The following FAM193A variants were observed in gnomAD, a reference collection of about 807,000 sequenced individuals.
FAM193A encodes protein FAM193A.
In FAM193A, 22 loss-of-function variants were observed where a neutral mutation model predicts 126.5. The ratio of observed to expected loss-of-function variants is 0.17; its 90% CI spans 0.12 to 0.25. The LOEUF (loss-of-function observed/expected upper bound fraction) is 0.25. FAM193A is among the 10% of genes least tolerant of loss of function. The pLI, the probability that FAM193A is intolerant of heterozygous loss-of-function variation, is 1.00. For missense variants in FAM193A, 1,675 were observed against 1,672.8 expected (o/e 1.00, Z -0.02); for synonymous variants, 761 against 646.8 (o/e 1.18, Z -2.68).
chr4:2,699,566 T>C, intron 18 of FAM193A, 114 bp from the exon 19 acceptor site: 1 of 1,018,354 alleles, frequency 9.8e-7, no homozygotes, highest in East Asian at 2.5e-5. Context: ...TTACAGCCTC[T>C]TCAGAGTTTA....
At chr4:2,537,793 C>T (rs1192650109) in intron 1 of FAM193A, among the ~76,000 whole-genome samples, 2 of 152,164 alleles carry the variant, frequency 1.3e-5, no homozygotes, top group African/African-American at 2.4e-5. Flanking sequence ...AGCCCTGGCC[C>T]CTCCTCCCCC....
intron 2 of FAM193A, among the ~76,000 whole-genome samples, 171 bp downstream of exon 2, chr4:2,596,500 A>C (rs955224221): frequency 6.6e-6 from 1 of 152,198 alleles, no homozygotes; most frequent in Non-Finnish European, 1.5e-5. Flanking sequence ...CCCTGGCCAC[A>C]CTGCAGTAGG....
Position 2,672,233 on chromosome 4 carries a change from G to C in FAM193A, c.2192G>C (p.Ser731Thr), listed in dbSNP as rs1713890196. The C allele has an allele frequency of 6.2e-7, 1 of 1,614,050 alleles. No individual in the cohort carries two copies. The highest frequency in any genetic ancestry group is 1.3e-5 in the African/African-American group (1 of 74,912). The change falls in exon 13 of 21, where the codon AGC (serine) becomes ACC (threonine). Residue 731 changes from serine (S) to threonine (T), a missense_variant. Physicochemically the swap from Ser to Thr is moderately conservative, Grantham distance 58 (BLOSUM62 1). Transcript: ENST00000637812. ...CTTCCTCCTGGCCATCAGTTCTTGA[G>C]CCCAGAGAAGCCCACACACCCTGCA... is the stretch of plus-strand genomic sequence containing the variant. ...GALPPGHQFLSPEKPTHPALH... is the reference protein window; with the variant it reads ...GALPPGHQFLTPEKPTHPALH...
intron 7 of FAM193A, among the ~76,000 whole-genome samples, chr4:2,655,671 C>T (rs1016933445): frequency 3.9e-5 from 6 of 152,016 alleles, no homozygotes; most frequent in Non-Finnish European, 8.8e-5. Flanking sequence ...TGGCTCACAG[C>T]TGTAATCCCA....
At chr4:2,679,161 G>T (rs769353717) in intron 13 of FAM193A, among the ~76,000 whole-genome samples, 1 of 152,088 alleles carries the variant, frequency 6.6e-6, no homozygotes, top group Non-Finnish European at 1.5e-5. Context: ...TTCTGCACCA[G>T]TTGTGATGAT....
intron 18 of FAM193A, 150 bp downstream of exon 18, chr4:2,696,743 C>G (rs1045381701): frequency 1.6e-6 from 1 of 623,288 alleles, no homozygotes; most frequent in African/African-American, 1.8e-5. Flanking sequence ...GAGAGCCAGC[C>G]TGTCTCTGGT....
chr4:2,554,891 C>T (rs1279447448), intron 1 of FAM193A, among the ~76,000 whole-genome samples: 1 of 152,116 alleles, frequency 6.6e-6, no homozygotes, highest in Non-Finnish European at 1.5e-5. Flanking sequence ...ATAGCCTCTC[C>T]AGCTTTCTGC....
At chr4:2,574,933 G>T (rs557817932) in intron 1 of FAM193A, among the ~76,000 whole-genome samples, 231 of 152,206 alleles carry the variant, frequency 1.5e-3, no homozygotes, top group Non-Finnish European at 2.2e-3. Flanking sequence ...CAGCCTTTTG[G>T]GTTCGTGACC....
intron 1 of FAM193A, among the ~76,000 whole-genome samples, chr4:2,553,326 A>G (rs750960474): frequency 5.3e-5 from 8 of 151,782 alleles, no homozygotes; most frequent in Non-Finnish European, 1.0e-4. Flanking sequence ...CTAGGTCCAC[A>G]TAGCAAGATC....
At chr4:2,633,798 C>T (rs1328487666) in intron 5 of FAM193A, among the ~76,000 whole-genome samples, 1 of 152,150 alleles carries the variant, frequency 6.6e-6, no homozygotes, top group Non-Finnish European at 1.5e-5. Context: ...GAGGCTGAGG[C>T]AGGAGAATTG....
At chr4:2,548,372 A>G (rs1390694478) in intron 1 of FAM193A, among the ~76,000 whole-genome samples, 2 of 151,292 alleles carry the variant, frequency 1.3e-5, no homozygotes, top group African/African-American at 4.9e-5. Context: ...TGCCCGGCCT[A>G]CTTTGCCTAT....
At chr4:2,642,388 C>G (rs1360825985) in intron 6 of FAM193A, among the ~76,000 whole-genome samples, 1 of 152,188 alleles carries the variant, frequency 6.6e-6, no homozygotes, top group Non-Finnish European at 1.5e-5. Flanking sequence ...CCAGTGTTCC[C>G]TGTGCCCTGG....
At chr4:2,597,685 G>A (rs1002418506) in intron 2 of FAM193A, among the ~76,000 whole-genome samples, 1 of 152,142 alleles carries the variant, frequency 6.6e-6, no homozygotes, top group Non-Finnish European at 1.5e-5. Context: ...CTGTGTTTGT[G>A]GATTCGGACC....
chr4:2,637,305 C>T (rs1215273497), intron 5 of FAM193A, among the ~76,000 whole-genome samples: 3 of 152,058 alleles, frequency 2.0e-5, no homozygotes, highest in Non-Finnish European at 4.4e-5. Context: ...CCAGCCTGGG[C>T]GACAGAGTGA....
intron 2 of FAM193A, among the ~76,000 whole-genome samples, chr4:2,602,890 G>A (rs1158664624): frequency 1.4e-5 from 2 of 146,346 alleles, no homozygotes; most frequent in African/African-American, 5.1e-5. Context: ...TGGATCTCCT[G>A]ACCTTGTGAT....
At chr4:2,656,177 T>C (rs1348262125) in intron 7 of FAM193A, among the ~76,000 whole-genome samples, 2 of 152,164 alleles carry the variant, frequency 1.3e-5, no homozygotes, top group Non-Finnish European at 2.9e-5. Context: ...GCTAGCTTCA[T>C]AGAATGAATT....
chr4:2,649,839 G>T (rs1481115096), intron 7 of FAM193A, among the ~76,000 whole-genome samples: 2 of 152,190 alleles, frequency 1.3e-5, no homozygotes, highest in Non-Finnish European at 2.9e-5. Flanking sequence ...ACAGCAGGAG[G>T]TGAGTGGCCG....
chr4:2,543,094 CT>C (rs199951533), intron 1 of FAM193A, among the ~76,000 whole-genome samples: 108 of 145,986 alleles, frequency 7.4e-4, no homozygotes, highest in African/African-American at 6.5e-4. Context: ...GTTTTCTTTT[CT>C]TTTTTTTTTT....
chr4:2,708,741 G>A (rs1718591744), intron 19 of FAM193A, among the ~76,000 whole-genome samples: 1 of 152,148 alleles, frequency 6.6e-6, no homozygotes, highest in African/African-American at 2.4e-5. Flanking sequence ...GGAATTAACA[G>A]GTGTGAGCCC....
Sources: gnomAD v4.1 joint callset for allele counts (sites outside exome capture counted in the v4.1 genomes callset) on GRCh38, gnomAD v4.1.1 for gene constraint, MANE v1.5 for transcripts, NCBI Gene and HGNC (gene_info 2026-07-23, HGNC 2026-07-21) for gene names.